SAMD12: variants seen among roughly 807,000 people sequenced by gnomAD.
SAMD12 encodes the protein sterile alpha motif domain containing 12, also known as sterile alpha motif domain-containing protein 12.
In SAMD12, 9 loss-of-function variants were observed where a neutral mutation model predicts 15.0. The ratio of observed to expected loss-of-function variants is 0.60; its 90% CI spans 0.36 to 1.05. The LOEUF (loss-of-function observed/expected upper bound fraction) is 1.05. Among genes scored for constraint, SAMD12 ranks in the 50% least tolerant of loss-of-function variants. The probability of loss-of-function intolerance (pLI) is 0.01; values close to 1 mark genes in which losing one functional copy is unlikely to be tolerated. For synonymous variants in SAMD12, 86 were observed against 90.1 expected (o/e 0.96, Z 0.25); for missense variants, 230 against 234.2 (o/e 0.98, Z 0.12).
Position 118,603,740 on chromosome 8 carries a change from T to G in SAMD12, c.13+18064A>C, listed in dbSNP as rs562238430. 1.5e-4 allele frequency among the ~76,000 whole-genome samples: 23 copies of G among 152,290 alleles called. 1 individual carries two copies. In the South Asian group the frequency reaches 2.9e-3, roughly 19 times the overall value. On this transcript the variant is annotated intron_variant, in intron 1 of 3. Coordinates refer to ENST00000314727, the MANE Select transcript of SAMD12 (RefSeq NM_207506.3). ...AAAGCAAATCCAAAGGCAGCAGCTATGGAGCAAGTCAAGAGAACAGAACGA... is the reference window on the plus strand; with the variant it reads ...AAAGCAAATCCAAAGGCAGCAGCTAGGGAGCAAGTCAAGAGAACAGAACGA...
chr8:118,183,974 GA>G, the SAMD12 span, among the ~76,000 whole-genome samples: 2 of 152,114 alleles, frequency 1.3e-5, no homozygotes, highest in Non-Finnish European at 2.9e-5. Context: ...GGCCTCCAGG[GA>G]AATGATAATA....
chr8:118,409,307 A>C (rs1563837891), intron 3 of SAMD12, among the ~76,000 whole-genome samples: 1 of 152,098 alleles, frequency 6.6e-6, no homozygotes, highest in Admixed American at 6.5e-5. Context: ...CTGTGTTTCT[A>C]CAATTTTCTT....
chr8:118,384,933 C>T lies in SAMD12; in HGVS notation c.323-5233G>A, dbSNP rs117259150. On this transcript the variant is annotated intron_variant, in intron 3 of 3. Transcript: ENST00000314727. Reference sequence around the variant, plus strand: ...TTAGCCTTATTAGGTGCCCTCAGGGCTAAAAACATTCCCCAGAACTCCTTG... The same window carrying T: ...TTAGCCTTATTAGGTGCCCTCAGGGTTAAAAACATTCCCCAGAACTCCTTG... Among the ~76,000 whole-genome samples, 949 of 152,122 alleles carry T rather than the reference C, an allele frequency of 6.2e-3. 8 individuals carry two copies. The highest frequency in any genetic ancestry group is 7.3e-3 in the Non-Finnish European group (498 of 67,988).
chr8:118,345,368 T>G (rs894490216), intron 4 of SAMD12, among the ~76,000 whole-genome samples: 7 of 152,162 alleles, frequency 4.6e-5, no homozygotes, highest in African/African-American at 1.7e-4. Context: ...CCAGAACATA[T>G]TCCTGTCACT....
the SAMD12 span, among the ~76,000 whole-genome samples, chr8:118,135,740 G>T: frequency 6.6e-6 from 1 of 151,978 alleles, no homozygotes; most frequent in Non-Finnish European, 1.5e-5. Flanking sequence ...ACAGGGTTTT[G>T]CCATGTTGCC....
At position 118,243,673 on chromosome 8, in the gene SAMD12, C is replaced by G. The variant is rs17455078; in HGVS notation, c.434-45941G>C. On this transcript the variant is annotated intron_variant, in intron 4 of 4. Coordinates refer to the SAMD12 transcript ENST00000409003. ...AAGGAAACAACTTCATATAAAATTA[C>G]TTAAAAATCCTGGAGATATATGTCA... 3.3e-3 allele frequency among the ~76,000 whole-genome samples: 508 copies of G among 152,172 alleles called. 2 individuals are homozygous for G. The highest frequency in any genetic ancestry group is 0.01 in the Middle Eastern group (3 of 292).
chr8:118,431,687 CGTGTGTGTGTGTGTGT>C (rs56898456), intron 3 of SAMD12, among the ~76,000 whole-genome samples: 25 of 147,468 alleles, frequency 1.7e-4, no homozygotes, highest in African/African-American at 5.8e-4. Context: ...TTACCTTTGT[CGTGTGTGTGTGTGTGT>C]GTGTGTGTGT....
chr8:118,303,758 C>T (rs185244905), intron 4 of SAMD12, among the ~76,000 whole-genome samples: 259 of 152,096 alleles, frequency 1.7e-3, no homozygotes, highest in African/African-American at 6.0e-3. Context: ...ATGTTGTCAG[C>T]ATAGTTCTGG....
At chr8:118,384,664 C>T (rs1819852616) in intron 3 of SAMD12, among the ~76,000 whole-genome samples, 1 of 152,150 alleles carries the variant, frequency 6.6e-6, no homozygotes, top group Non-Finnish European at 1.5e-5. Flanking sequence ...AGGAGGAAAT[C>T]CTGGTAGCAT....
intron 4 of SAMD12, among the ~76,000 whole-genome samples, chr8:118,323,448 C>T (rs1240899732): frequency 6.6e-6 from 1 of 151,032 alleles, no homozygotes; most frequent in Non-Finnish European, 1.5e-5. Flanking sequence ...GGATATCTTG[C>T]TGAAAAAAGT....
the SAMD12 span, among the ~76,000 whole-genome samples, chr8:118,180,985 T>C: frequency 6.6e-6 from 1 of 152,172 alleles, no homozygotes; most frequent in Non-Finnish European, 1.5e-5. Flanking sequence ...GAGTCAGGCA[T>C]GTAAGATAAG....
At chr8:118,202,996 C>T (rs1819755895) in intron 4 of SAMD12, among the ~76,000 whole-genome samples, 1 of 152,166 alleles carries the variant, frequency 6.6e-6, no homozygotes, top group South Asian at 2.1e-4. Flanking sequence ...TTCATTATTC[C>T]TGTAATTCAC....
At chr8:118,426,449 T>C (rs1260758708) in intron 3 of SAMD12, among the ~76,000 whole-genome samples, 2 of 152,206 alleles carry the variant, frequency 1.3e-5, no homozygotes, top group Non-Finnish European at 2.9e-5. Flanking sequence ...TCACATGTAC[T>C]GGACAGAACT....
intron 4 of SAMD12, among the ~76,000 whole-genome samples, chr8:118,362,542 T>C (rs1286949946): frequency 2.0e-5 from 3 of 152,204 alleles, no homozygotes; most frequent in Non-Finnish European, 4.4e-5. Flanking sequence ...TAAACTGAAA[T>C]GAATACCCAA....
chr8:118,569,854 GCTGA>G (rs1826958675), intron 2 of SAMD12, among the ~76,000 whole-genome samples: 1 of 152,218 alleles, frequency 6.6e-6, no homozygotes, highest in Non-Finnish European at 1.5e-5. Context: ...AGCAGCTGAG[GCTGA>G]CTAATACAGC....
At chr8:118,516,616 T>C (rs12545989) in intron 2 of SAMD12, among the ~76,000 whole-genome samples, 57,377 of 150,894 alleles carry the variant, frequency 0.38, 11,287 homozygotes, top group Admixed American at 0.45. Context: ...CTCTTTGCTG[T>C]TGTTTATATT....
chr8:118,167,082 T>G, the SAMD12 span, among the ~76,000 whole-genome samples: 1 of 152,184 alleles, frequency 6.6e-6, no homozygotes, highest in Non-Finnish European at 1.5e-5. Flanking sequence ...GCCTGTAATC[T>G]TCTATGATGA....
intron 2 of SAMD12, among the ~76,000 whole-genome samples, chr8:118,496,330 G>A (rs1225620540): frequency 3.9e-5 from 6 of 152,066 alleles, no homozygotes; most frequent in Non-Finnish European, 4.4e-5. Flanking sequence ...ATACTACAAG[G>A]CTACAGAAAT....
chr8:118,489,429 T>C (rs1824377446), intron 2 of SAMD12, among the ~76,000 whole-genome samples: 1 of 152,184 alleles, frequency 6.6e-6, no homozygotes, highest in African/African-American at 2.4e-5. Context: ...ATGAAGTTAT[T>C]CCCTTTGTAA....
Sources: allele counts gnomAD v4.1 joint callset (sites outside exome capture counted in the v4.1 genomes callset), GRCh38; gene constraint gnomAD v4.1.1; transcripts MANE v1.5; gene names NCBI Gene and HGNC (gene_info 2026-07-23, HGNC 2026-07-21).